The following ZFAT variants were observed in gnomAD, a reference collection of about 807,000 sequenced individuals.
ZFAT encodes zinc finger protein ZFAT.
ZFAT carries 64 observed loss-of-function variants against 117.7 expected under a neutral mutation model. That is an observed-to-expected ratio of 0.54 (90% CI 0.44 to 0.67). The LOEUF (loss-of-function observed/expected upper bound fraction) is 0.67, where lower values mean the gene tolerates loss of function less well. ZFAT is among the 30% of genes least tolerant of loss of function. The probability of loss-of-function intolerance (pLI) is 0.00; values close to 1 mark genes in which losing one functional copy is unlikely to be tolerated. For missense variants in ZFAT, 1,433 were observed against 1,584.5 expected, an observed-to-expected ratio of 0.90 and a Z score of 1.62; for synonymous variants, 679 against 615.0, an observed-to-expected ratio of 1.10 and a Z score of -1.54.
intron 2 of ZFAT, among the ~76,000 whole-genome samples, chr8:134,656,250 G>A (rs943701301): frequency 6.6e-6 from 1 of 152,166 alleles, no homozygotes; most frequent in Non-Finnish European, 1.5e-5. Flanking sequence ...GGTCTCAAGT[G>A]TGCGCTACTG....
intron 15 of ZFAT, among the ~76,000 whole-genome samples, chr8:134,485,508 C>G (rs1174170955): frequency 6.6e-6 from 1 of 152,212 alleles, no homozygotes; most frequent in African/African-American, 2.4e-5. Context: ...AAAGACAACC[C>G]CTCCTCATCT....
chr8:134,593,490 G>C (rs1826680761), intron 7 of ZFAT, among the ~76,000 whole-genome samples: 1 of 152,170 alleles, frequency 6.6e-6, no homozygotes, highest in Admixed American at 6.5e-5. Context: ...CAGAGATGGA[G>C]AGTCTGAGAG....
At chr8:134,535,753 G>A (rs1055210388) in intron 11 of ZFAT, among the ~76,000 whole-genome samples, 1 of 151,950 alleles carries the variant, frequency 6.6e-6, no homozygotes, top group African/African-American at 2.4e-5. Flanking sequence ...CTAGTGCGCA[G>A]AGAACAAAAG....
chr8:134,493,078 C>G (rs1487745511), intron 15 of ZFAT, among the ~76,000 whole-genome samples: 1 of 152,214 alleles, frequency 6.6e-6, no homozygotes, highest in African/African-American at 2.4e-5. Context: ...TGTAAGTAGA[C>G]AGCAGACATA....
intron 10 of ZFAT, among the ~76,000 whole-genome samples, chr8:134,574,282 G>A (rs1178096375): frequency 2.0e-5 from 3 of 152,076 alleles, no homozygotes; most frequent in Non-Finnish European, 2.9e-5. Flanking sequence ...CAGCTGCAAG[G>A]GAGCCACACT....
the ZFAT span, among the ~76,000 whole-genome samples, chr8:134,753,464 A>G: frequency 6.6e-6 from 1 of 152,222 alleles, no homozygotes; most frequent in East Asian, 1.9e-4. Flanking sequence ...GTTAGCTTTA[A>G]GAGGTATTTA....
chr8:134,803,474 T>C, the ZFAT span, among the ~76,000 whole-genome samples: 1,203 of 152,272 alleles, frequency 7.9e-3, 7 homozygotes, highest in Non-Finnish European at 0.013. Flanking sequence ...TTAGAGTTCA[T>C]AGGAAGGGAT....
At chr8:134,744,897 T>A in the ZFAT span, among the ~76,000 whole-genome samples, 29 of 151,712 alleles carry the variant, frequency 1.9e-4, no homozygotes, top group African/African-American at 6.8e-4. Flanking sequence ...GCCCGGCTAC[T>A]TTTTCGTATT....
intron 3 of ZFAT, among the ~76,000 whole-genome samples, chr8:134,635,396 T>G (rs1326723143): frequency 6.6e-6 from 1 of 152,148 alleles, no homozygotes; most frequent in African/African-American, 2.4e-5. Context: ...AGAAGGAACC[T>G]GACAGGAAAA....
chr8:134,701,082 A>G (rs547097670), intron 1 of ZFAT, among the ~76,000 whole-genome samples: 2 of 152,304 alleles, frequency 1.3e-5, no homozygotes, highest in South Asian at 2.1e-4. Flanking sequence ...CATTAGATAC[A>G]TTCACATTGT....
the ZFAT span, among the ~76,000 whole-genome samples, chr8:134,790,462 A>T: frequency 1.3e-5 from 2 of 152,124 alleles, no homozygotes; most frequent in African/African-American, 4.8e-5. Context: ...ATTATAACGT[A>T]GCCGTTAGGG....
intron 15 of ZFAT, among the ~76,000 whole-genome samples, chr8:134,500,229 A>T (rs1200233170): frequency 6.6e-6 from 1 of 152,234 alleles, no homozygotes; most frequent in Admixed American, 6.5e-5. Flanking sequence ...GGCTAAGGAC[A>T]TGGGTCAGGA....
chr8:134,533,084 C>T, intron 11 of ZFAT, 112 bp from the exon 12 acceptor site: 1 of 1,429,976 alleles, frequency 7.0e-7, no homozygotes, highest in Admixed American at 2.1e-5. Flanking sequence ...TGAGCAGGCC[C>T]CATCACCTGT....
At chr8:134,611,180 C>A (rs144439642) in intron 3 of ZFAT, among the ~76,000 whole-genome samples, 1 of 152,316 alleles carries the variant, frequency 6.6e-6, no homozygotes, top group East Asian at 1.9e-4. Flanking sequence ...TGCTGCACAC[C>A]GAATGAAATG....
intron 7 of ZFAT, chr8:134,597,975 C>G (rs1377996080): frequency 6.6e-6 from 1 of 152,288 alleles, no homozygotes; most frequent in Non-Finnish European, 1.5e-5. Context: ...AGCACAACTG[C>G]CACTTAACAG....
At chr8:134,717,388 C>T (rs563990271), upstream of ZFAT, among the ~76,000 whole-genome samples, 1 of 136,722 alleles carries the variant, frequency 7.3e-6, no homozygotes, top group African/African-American at 2.7e-5. Context: ...CTCTGTGGTC[C>T]AATAAGGGCA....
the ZFAT span, among the ~76,000 whole-genome samples, chr8:134,738,128 T>C: frequency 2.0e-5 from 3 of 152,222 alleles, no homozygotes; most frequent in Non-Finnish European, 4.4e-5. Context: ...TAGTCTAGTG[T>C]TACTTTTTGT....
rs75239934 is a variant in ZFAT, at chr8:134,632,762, A to G, written c.448+4699T>C. Among the ~76,000 whole-genome samples the G allele has an allele frequency of 2.0e-4, 31 of 152,336 alleles. No homozygotes were observed. In the East Asian group the frequency reaches 5.0e-3, roughly 25 times the overall value. The stretch of plus-strand genomic sequence containing the variant: ...TACAAAGAAAATTAAAAGACAAATG[A>G]CAAATTGCAGAAAATATTTTCAGCA... On this transcript the variant is annotated intron_variant, in intron 3 of 15. Coordinates refer to ENST00000377838, the MANE Select transcript of ZFAT (RefSeq NM_020863.4).
intron 10 of ZFAT, among the ~76,000 whole-genome samples, chr8:134,581,516 T>C (rs1825709691): frequency 6.6e-6 from 1 of 152,174 alleles, no homozygotes. Flanking sequence ...GTGGAAAAAG[T>C]TGGCACTGAG....
Sources: gnomAD v4.1 joint callset for allele counts (sites outside exome capture counted in the v4.1 genomes callset) on GRCh38, gnomAD v4.1.1 for gene constraint, MANE v1.5 for transcripts, NCBI Gene and HGNC (gene_info 2026-07-23, HGNC 2026-07-21) for gene names.